TWF2: variants seen among roughly 807,000 people sequenced by gnomAD.
The protein encoded by TWF2 is twinfilin actin binding protein 2.
A neutral mutation model predicts 45.1 loss-of-function variants in TWF2; 15 were observed. That is an observed-to-expected ratio of 0.33 (90% confidence interval 0.22 to 0.51). The LOEUF (loss-of-function observed/expected upper bound fraction) is 0.51. Among genes scored for constraint, TWF2 ranks in the 20% least tolerant of loss-of-function variants. The pLI is 0.97. For synonymous variants in TWF2, 177 were observed against 195.8 expected, an observed-to-expected ratio of 0.90 and a Z score of 0.80; for missense variants, 423 against 469.1, an observed-to-expected ratio of 0.90 and a Z score of 0.91.
chr3:52,234,852 C>T (rs1228453942), intron 2 of TWF2, among the ~76,000 whole-genome samples, 177 bp downstream of exon 2: 3 of 152,192 alleles, frequency 2.0e-5, no homozygotes, highest in Admixed American at 6.5e-5. Context: ...GTGACAATTG[C>T]GCCCACCTCT....
intron 1 of TWF2, among the ~76,000 whole-genome samples, chr3:52,236,453 G>A (rs1397040783): frequency 1.3e-5 from 2 of 152,134 alleles, no homozygotes; most frequent in Admixed American, 6.5e-5. Flanking sequence ...AGTGGACAGG[G>A]AAACCACCAC....
At position 52,231,959 on chromosome 3, in the gene TWF2, C is replaced by A; in HGVS notation, c.267G>T (p.Ser89=). Reference sequence around the variant, plus strand: ...CAGGACTCACGGGGGAGTTATCAGGCGACCAGGCGAGGAAGAGCCATTCGA... The same window carrying A: ...CAGGACTCACGGGGGAGTTATCAGGAGACCAGGCGAGGAAGAGCCATTCGA... ...QGFEWLFLAW[S]PDNSPVRLKM... is the part of the protein sequence containing the mutation. The change falls in exon 3 of 9, where the codon TCG becomes TCT. Residue 89 remains serine (S), a synonymous_variant. Transcript: ENST00000305533. 6.2e-7 allele frequency: 1 copy of A among 1,612,988 alleles called. No individual in the cohort carries two copies. Among genetic ancestry groups the A allele is most frequent in the Non-Finnish European group, 8.5e-7 (1 of 1,179,374 alleles).
chr3:52,237,769 T>C (rs1365191065), intron 1 of TWF2, among the ~76,000 whole-genome samples: 2 of 152,216 alleles, frequency 1.3e-5, no homozygotes, highest in East Asian at 3.9e-4. Flanking sequence ...CCCAGGCCCC[T>C]GCCTTCGCGG....
Position 52,232,023 on chromosome 3 carries a change from T to C in TWF2, c.203A>G (p.Tyr68Cys). 6.2e-7 allele frequency: 1 copy of C among 1,613,958 alleles called. No individual in the cohort carries two copies. Among genetic ancestry groups the C allele is most frequent in the Non-Finnish European group, 8.5e-7 (1 of 1,179,936 alleles). ...LPLLDAQQPC[Y>C]LLYRLDSQNA... ...CTGTGAGTCGAGGCGGTAGAGCAGG[T>C]AGCAGGGCTGCTGGGCGTCCAGCAG... The change falls in exon 3 of 9, where the codon TAC becomes TGC. Residue 68 changes from tyrosine (Y) to cysteine (C), a missense_variant. Coordinates refer to ENST00000305533, the MANE Select transcript of TWF2 (RefSeq NM_007284.4).
At chr3:52,235,600 C>T (rs11715382) in intron 1 of TWF2, among the ~76,000 whole-genome samples, 16,954 of 152,244 alleles carry the variant, frequency 0.11, 1,065 homozygotes, top group African/African-American at 0.15. Flanking sequence ...ACACACAACA[C>T]GCATGTGTGA....
At chr3:52,230,190 C>A (rs1445469253) in intron 6 of TWF2, 120 bp from the exon 7 acceptor site, 4 of 1,307,802 alleles carry the variant, frequency 3.1e-6, no homozygotes, top group Non-Finnish European at 4.1e-6. Context: ...ACCTCCCTCT[C>A]CCAAGACTCC....
chr3:52,237,090 T>C (rs1699732585), intron 1 of TWF2, among the ~76,000 whole-genome samples: 1 of 152,154 alleles, frequency 6.6e-6, no homozygotes, highest in South Asian at 2.1e-4. Flanking sequence ...GAGCTGCCCC[T>C]TCTACCTGCC....
intron 1 of TWF2, among the ~76,000 whole-genome samples, chr3:52,236,687 A>C (rs905803965): frequency 2.6e-5 from 4 of 152,174 alleles, no homozygotes; most frequent in African/African-American, 9.7e-5. Flanking sequence ...TTGCAGAGTG[A>C]CCGTTAATCT....
Position 52,232,087 on chromosome 3 carries a change from C to T in TWF2, c.139G>A (p.Gly47Ser). 3 of 1,610,962 alleles carry T rather than the reference C, an allele frequency of 1.9e-6. No individual in the cohort carries two copies. Among genetic ancestry groups the T allele is most frequent in the South Asian group, 2.2e-5 (2 of 90,900 alleles). Residue 47 changes from glycine (G) to serine (S), a missense_variant, in exon 3 of 9, where the codon GGC becomes AGC. By Grantham distance (56) the Gly-to-Ser change is moderately conservative. Transcript: ENST00000305533. The stretch of plus-strand genomic sequence containing the variant: ...CTGTCATAGTCCTGATCCCAGCGGC[C>T]TACTGGCTCCTGCGAGGCACCCAGC... ...LVLGASQEPV[G>S]RWDQDYDRAV...
rs752126055 is a variant in TWF2 at position 52,229,058 on chromosome 3, C to T, written c.1026G>A (p.Pro342=). Residue 342 remains proline (P), a synonymous_variant, in exon 9 of 9, where the codon CCG becomes CCA. Coordinates refer to ENST00000305533, the MANE Select transcript of TWF2 (RefSeq NM_007284.4). ...KRGHKRLIRG[P]GENGDDS is the part of the protein sequence containing the mutation. ...CCTAGCTGTCATCCCCATTTTCACC[C>T]GGGCCGCGGATGAGGCGCTTATGGC... The T allele has an allele frequency of 1.5e-5, 24 of 1,612,198 alleles. No individual in the cohort carries two copies. The Admixed American group carries it at 1.5e-4, about 10-fold the overall frequency.
chr3:52,232,449 C>A (rs1245122801), intron 2 of TWF2, among the ~76,000 whole-genome samples: 1 of 152,142 alleles, frequency 6.6e-6, no homozygotes, highest in Non-Finnish European at 1.5e-5. Context: ...CACCACACCC[C>A]TGGGTGCTCC....
At chr3:52,235,953 C>T (rs1420776887) in intron 1 of TWF2, among the ~76,000 whole-genome samples, 1 of 152,170 alleles carries the variant, frequency 6.6e-6, no homozygotes, top group Non-Finnish European at 1.5e-5. Flanking sequence ...CCTTAACCCT[C>T]AGGCAGTTGG....
At chr3:52,231,300 A>G in intron 4 of TWF2, 69 bp from the exon 5 acceptor site, 2 of 1,589,490 alleles carry the variant, frequency 1.3e-6, no homozygotes, top group Non-Finnish European at 1.7e-6. Context: ...AGGCCCACGG[A>G]GCACGCCAGC....
At position 52,239,018 on chromosome 3, in the gene TWF2, G is replaced by A. The variant is rs202191842; in HGVS notation, c.-2C>T. On this transcript the variant is annotated 5_prime_UTR_variant, in exon 1 of 9. Coordinates refer to ENST00000305533, the MANE Select transcript of TWF2 (RefSeq NM_007284.4). The stretch of plus-strand genomic sequence containing the variant: ...GTGGATGCCCGTTTGGTGCGCCATG[G>A]CTCGGCGCTTCGCTCCGTCCGCGCC... 4 of 1,595,438 alleles carry A rather than the reference G, an allele frequency of 2.5e-6. No homozygotes were observed. Among genetic ancestry groups the A allele is most frequent in the African/African-American group, 1.3e-5 (1 of 74,740 alleles).
At position 52,228,923 on chromosome 3, in the gene TWF2, C is replaced by T; in HGVS notation, c.*111G>A. On this transcript the variant is annotated 3_prime_UTR_variant, in exon 9 of 9. Coordinates refer to ENST00000305533, the MANE Select transcript of TWF2 (RefSeq NM_007284.4). ...GCTGCAAGTGCGTTCAGCTGCCAGCCCTCCTGACCTCCCAGAAACACTTTC... is the reference window on the plus strand; with the variant it reads ...GCTGCAAGTGCGTTCAGCTGCCAGCTCTCCTGACCTCCCAGAAACACTTTC... 1 of 1,483,174 alleles carries T rather than the reference C, an allele frequency of 6.7e-7. No homozygotes were observed. Among genetic ancestry groups the T allele is most frequent in the Non-Finnish European group, 9.0e-7 (1 of 1,109,742 alleles). 91.9% of individuals were successfully genotyped at this position (1,483,174 alleles called of 1,614,324 possible). A position where few individuals can be genotyped will look rare whatever the true frequency, so the allele number is the denominator to read the frequency against.
intron 3 of TWF2, 64 bp downstream of exon 3, chr3:52,231,880 C>T (rs1267210948): frequency 6.4e-7 from 1 of 1,571,686 alleles, no homozygotes; most frequent in Non-Finnish European, 8.6e-7. Flanking sequence ...TCCCCCAGGG[C>T]AAGGCCTTGT....
Position 52,239,072 on chromosome 3 carries a change from G to C in TWF2, c.-56C>G. ...GGAGCCCTCCGCTTGACCCTGGCCC[G>C]GCAACGCTCGCTGGACCAAGAGAGG... On this transcript the variant is annotated 5_prime_UTR_variant, in exon 1 of 9. Coordinates refer to ENST00000305533, the MANE Select transcript of TWF2 (RefSeq NM_007284.4). 6.3e-7 allele frequency: 1 copy of C among 1,577,316 alleles called. No individual in the cohort carries two copies. Among genetic ancestry groups the C allele is most frequent in the African/African-American group, 1.4e-5 (1 of 73,914 alleles).
chr3:52,228,951 G>A lies in TWF2; in HGVS notation c.*83C>T. 1 of 1,539,868 alleles carries A rather than the reference G, an allele frequency of 6.5e-7. No individual in the cohort carries two copies. Among genetic ancestry groups the A allele is most frequent in the Non-Finnish European group, 8.8e-7 (1 of 1,142,106 alleles). On this transcript the variant is annotated 3_prime_UTR_variant, in exon 9 of 9. Coordinates refer to ENST00000305533, the MANE Select transcript of TWF2 (RefSeq NM_007284.4). The stretch of plus-strand genomic sequence containing the variant: ...CCTGACCTCCCAGAAACACTTTCCT[G>A]GAGCCCAGGAAGGAGGATGGTGGCA...
At position 52,233,843 on chromosome 3, in the gene TWF2, G is replaced by C. The variant is rs1699701012; in HGVS notation, c.103+1186C>G. 2.0e-5 allele frequency among the ~76,000 whole-genome samples: 3 copies of C among 151,334 alleles called. No homozygotes were observed. The East Asian group carries it at 5.8e-4, about 29-fold the overall frequency. On this transcript the variant is annotated intron_variant, in intron 2 of 8. Transcript: ENST00000305533. ...GCAGGAGAATGGCGTGAACCCGGGA[G>C]GCGGAGCTTGCAGTAAGCTGAGATC...
Sources: gnomAD v4.1 joint callset for allele counts (sites outside exome capture counted in the v4.1 genomes callset) on GRCh38, gnomAD v4.1.1 for gene constraint, MANE v1.5 for transcripts, NCBI Gene and HGNC (gene_info 2026-07-23, HGNC 2026-07-21) for gene names.